GABRB3: variants seen among roughly 807,000 people sequenced by gnomAD.
GABRB3 encodes the protein gamma-aminobutyric acid receptor subunit beta-3.
Under a neutral mutation model 52.1 loss-of-function variants are expected in GABRB3, and 14 were observed. The ratio of observed to expected loss-of-function variants is 0.27; its 90% CI spans 0.18 to 0.42. GABRB3 has a LOEUF of 0.42. GABRB3 is among the 10% of genes least tolerant of loss of function. GABRB3 has a pLI of 1.00. For missense variants in GABRB3, 307 were observed against 609.1 expected (o/e 0.50, Z 5.22); for synonymous variants, 260 against 232.3 (o/e 1.12, Z -1.08).
chr15:26,599,318 G>T (rs1356951350), intron 4 of GABRB3, among the ~76,000 whole-genome samples: 3 of 152,168 alleles, frequency 2.0e-5, no homozygotes, highest in Admixed American at 1.3e-4. Flanking sequence ...GAGCTGGGAG[G>T]TCAAACAGCT....
At chr15:26,718,767 T>G (rs1177750011) in intron 3 of GABRB3, among the ~76,000 whole-genome samples, 1 of 152,190 alleles carries the variant, frequency 6.6e-6, no homozygotes, top group Non-Finnish European at 1.5e-5. Context: ...GAATGATTTT[T>G]CAAAAATGCC....
intron 8 of GABRB3, chr15:26,550,161 G>C (rs1004985594): frequency 9.2e-5 from 14 of 152,206 alleles, no homozygotes; most frequent in Non-Finnish European, 5.9e-5. Flanking sequence ...CAGGAAGCAG[G>C]AGAAAAAGTC....
chr15:26,734,203 G>C (rs907524226), intron 3 of GABRB3, among the ~76,000 whole-genome samples: 2 of 151,634 alleles, frequency 1.3e-5, no homozygotes, highest in African/African-American at 4.8e-5. Context: ...CTAATTTTTT[G>C]TGTTTTTAGT....
rs556124919 is a variant in GABRB3, at chr15:26,642,098, G to A, written c.241-20564C>T. 1.9e-4 allele frequency among the ~76,000 whole-genome samples: 29 copies of A among 152,106 alleles called. No homozygotes were observed. In the East Asian group the frequency reaches 4.1e-3, roughly 21 times the overall value. ...TTGCGAGACAGGGTCTCATCATGTT[G>A]CCCAGGCCAGTCTTGAACTCCCAGC... is the stretch of plus-strand genomic sequence containing the variant. On this transcript the variant is annotated intron_variant, in intron 3 of 8. Transcript: ENST00000311550.
At chr15:26,633,819 A>G (rs1297550887) in intron 3 of GABRB3, among the ~76,000 whole-genome samples, 1 of 152,198 alleles carries the variant, frequency 6.6e-6, no homozygotes, top group Admixed American at 6.5e-5. Flanking sequence ...TGTTTTAACT[A>G]GACCCCCTTC....
chr15:26,614,704 A>G (rs530832988), intron 4 of GABRB3: 2 of 152,328 alleles, frequency 1.3e-5, no homozygotes, highest in African/African-American at 4.8e-5. Context: ...CATATAAAAC[A>G]GTTTCAGAAT....
At chr15:26,552,695 C>G (rs1889523234) in intron 8 of GABRB3, among the ~76,000 whole-genome samples, 1 of 152,174 alleles carries the variant, frequency 6.6e-6, no homozygotes, top group Admixed American at 6.5e-5. Context: ...GAACGATTCA[C>G]AGCAAGATTC....
At chr15:26,653,862 C>A (rs757515663) in intron 3 of GABRB3, among the ~76,000 whole-genome samples, 1 of 152,176 alleles carries the variant, frequency 6.6e-6, no homozygotes, top group South Asian at 2.1e-4. Flanking sequence ...AAGGAATAAA[C>A]TGCAGTGTTT....
intron 6 of GABRB3, among the ~76,000 whole-genome samples, chr15:26,577,101 G>A (rs1295532246): frequency 6.6e-6 from 1 of 152,122 alleles, no homozygotes; most frequent in Non-Finnish European, 1.5e-5. Flanking sequence ...GGGTACGTGT[G>A]TAATTGGGGT....
intron 3 of GABRB3, among the ~76,000 whole-genome samples, chr15:26,697,193 C>T (rs1455976080): frequency 6.6e-6 from 1 of 151,970 alleles, no homozygotes; most frequent in Non-Finnish European, 1.5e-5. Flanking sequence ...TTTTTAAGCA[C>T]AAGATTATGA....
chr15:26,610,560 T>C (rs1892030500), intron 4 of GABRB3, among the ~76,000 whole-genome samples: 1 of 152,172 alleles, frequency 6.6e-6, no homozygotes. Context: ...CCAGTATTCT[T>C]TAGAATCTGG....
At chr15:26,709,518 T>TTTA (rs1889221648) in intron 3 of GABRB3, among the ~76,000 whole-genome samples, 1 of 46,918 alleles carries the variant, frequency 2.1e-5, no homozygotes, top group Non-Finnish European at 6.7e-5. Flanking sequence ...TTTCTTTCTT[T>TTTA]TTTTTTTTTT....
intron 3 of GABRB3, among the ~76,000 whole-genome samples, chr15:26,635,578 A>G (rs1418227554): frequency 6.6e-6 from 1 of 152,186 alleles, no homozygotes; most frequent in East Asian, 1.9e-4. Flanking sequence ...ATAATTTCTG[A>G]TATTTGGCAC....
At chr15:26,656,016 T>G (rs898028073) in intron 3 of GABRB3, among the ~76,000 whole-genome samples, 14 of 152,166 alleles carry the variant, frequency 9.2e-5, no homozygotes, top group Non-Finnish European at 2.1e-4. Flanking sequence ...GGCAAGTTAG[T>G]TTTCCTTTCT....
chr15:26,772,802 G>A (rs766998233), intron 1 of GABRB3, 30 bp from the exon 2 acceptor site: 2 of 1,521,028 alleles, frequency 1.3e-6, no homozygotes, highest in South Asian at 2.5e-5. Context: ...CACAAAGAGC[G>A]GGGTCAGGGG....
At chr15:26,722,504 T>C (rs1306397838) in intron 3 of GABRB3, among the ~76,000 whole-genome samples, 1 of 152,206 alleles carries the variant, frequency 6.6e-6, no homozygotes, top group Non-Finnish European at 1.5e-5. Context: ...CTCACCTTCA[T>C]TTCTTCTTTG....
At chr15:26,637,136 A>C (rs1163422005) in intron 3 of GABRB3, among the ~76,000 whole-genome samples, 1 of 152,110 alleles carries the variant, frequency 6.6e-6, no homozygotes, top group Non-Finnish European at 1.5e-5. Flanking sequence ...CTTACCTCTC[A>C]TTATTGTCAC....
At chr15:26,573,559 C>T (rs1391425217) in intron 6 of GABRB3, among the ~76,000 whole-genome samples, 1 of 152,174 alleles carries the variant, frequency 6.6e-6, no homozygotes, top group Non-Finnish European at 1.5e-5. Flanking sequence ...TTGGGATACT[C>T]CTTTTTGAGA....
intron 6 of GABRB3, among the ~76,000 whole-genome samples, chr15:26,571,420 C>T (rs966197349): frequency 6.6e-6 from 1 of 152,166 alleles, no homozygotes; most frequent in Admixed American, 6.5e-5. Flanking sequence ...AGTCTCATTG[C>T]CAACTTTTAT....
Sources: allele counts gnomAD v4.1 joint callset (sites outside exome capture counted in the v4.1 genomes callset), GRCh38; gene constraint gnomAD v4.1.1; transcripts MANE v1.5; gene names NCBI Gene and HGNC (gene_info 2026-07-23, HGNC 2026-07-21).